The following TMPRSS15 variants were observed in gnomAD, a reference collection of about 807,000 sequenced individuals.
TMPRSS15 encodes the protein enteropeptidase.
Under a neutral mutation model 125.3 loss-of-function variants are expected in TMPRSS15, and 128 were observed. The ratio of observed to expected loss-of-function variants is 1.02; its 90% confidence interval spans 0.89 to 1.18. TMPRSS15 has a LOEUF of 1.18. Among genes scored for constraint, TMPRSS15 ranks in the 50% most tolerant of loss-of-function variants. The pLI is 0.00. For missense variants in TMPRSS15, 1,283 were observed against 1,212.7 expected, an observed-to-expected ratio of 1.06 and a Z score of -0.86; for synonymous variants, 446 against 423.2, an observed-to-expected ratio of 1.05 and a Z score of -0.66.
chr21:18,478,624 T>C (rs77992604), intron 1 of TMPRSS15, among the ~76,000 whole-genome samples: 2,725 of 152,116 alleles, frequency 0.018, 85 homozygotes, highest in African/African-American at 0.062. Flanking sequence ...CATTTACTTG[T>C]CATGTCTCTC....
chr21:18,289,043 T>C (rs539452192), intron 21 of TMPRSS15, among the ~76,000 whole-genome samples: 8 of 152,272 alleles, frequency 5.3e-5, no homozygotes, highest in Admixed American at 1.3e-4. Flanking sequence ...AATTATTGAA[T>C]TGATATATGT....
chr21:18,346,447 T>C (rs1430695361), intron 10 of TMPRSS15, among the ~76,000 whole-genome samples: 1 of 152,226 alleles, frequency 6.6e-6, no homozygotes, highest in Non-Finnish European at 1.5e-5. Flanking sequence ...CTATTTACAA[T>C]ATAACATATT....
chr21:18,405,016 T>G (rs930381955), upstream of TMPRSS15, among the ~76,000 whole-genome samples: 1 of 152,120 alleles, frequency 6.6e-6, no homozygotes. Flanking sequence ...CCAGACCCTC[T>G]GATAAAATTG....
chr21:18,449,165 T>C (rs977261166), intron 1 of TMPRSS15, among the ~76,000 whole-genome samples: 2 of 152,186 alleles, frequency 1.3e-5, no homozygotes, highest in Non-Finnish European at 2.9e-5. Flanking sequence ...CTCAAATGAA[T>C]TGTGATCTTA....
intron 24 of TMPRSS15, among the ~76,000 whole-genome samples, chr21:18,274,299 C>T (rs771687600): frequency 4.6e-5 from 7 of 152,126 alleles, no homozygotes; most frequent in Non-Finnish European, 8.8e-5. Flanking sequence ...AGTGTTAAAG[C>T]CAGGATCAAA....
intron 1 of TMPRSS15, among the ~76,000 whole-genome samples, chr21:18,421,491 C>G (rs111792075): frequency 1.3e-5 from 2 of 152,186 alleles, no homozygotes; most frequent in African/African-American, 4.8e-5. Context: ...TATTTGAGAC[C>G]AGATGTTTCT....
chr21:18,352,842 C>G lies in TMPRSS15; in HGVS notation c.1171+61G>C. The G allele has an allele frequency of 2.6e-6, 4 of 1,560,232 alleles. No individual in the cohort carries two copies. The South Asian group carries it at 4.5e-5, about 17-fold the overall frequency. On this transcript the variant is annotated intron_variant, in intron 10 of 24. Transcript: ENST00000284885. Reference sequence around the variant, plus strand: ...ACTTTACACTGCAGTACAACACATACCTCTTTCCTTTTGATTTATGAATTA... The same window carrying G: ...ACTTTACACTGCAGTACAACACATAGCTCTTTCCTTTTGATTTATGAATTA...
chr21:18,285,328 A>G (rs986434595), intron 21 of TMPRSS15, among the ~76,000 whole-genome samples: 1 of 152,218 alleles, frequency 6.6e-6, no homozygotes, highest in African/African-American at 2.4e-5. Flanking sequence ...GGGACTTTCA[A>G]TGCAGTAGAA....
At chr21:18,358,362 G>A (rs961467581) in intron 8 of TMPRSS15, among the ~76,000 whole-genome samples, 1 of 151,844 alleles carries the variant, frequency 6.6e-6, no homozygotes, top group Non-Finnish European at 1.5e-5. Flanking sequence ...CCTTTACACA[G>A]TGTAGGTGAA....
chr21:18,320,201 G>A (rs1035301910), intron 16 of TMPRSS15, among the ~76,000 whole-genome samples: 9 of 152,120 alleles, frequency 5.9e-5, no homozygotes, highest in Admixed American at 2.6e-4. Context: ...AGTCTTAAAT[G>A]TAGGTAGAAG....
intron 3 of TMPRSS15, among the ~76,000 whole-genome samples, chr21:18,392,097 T>C (rs1229816937): frequency 6.6e-6 from 1 of 152,186 alleles, no homozygotes; most frequent in Non-Finnish European, 1.5e-5. Context: ...AGGCCTGTGA[T>C]GGGAGGTCCT....
chr21:18,406,352 G>A (rs1332771329), upstream of TMPRSS15, among the ~76,000 whole-genome samples: 6 of 152,306 alleles, frequency 3.9e-5, no homozygotes, highest in Admixed American at 1.3e-4. Flanking sequence ...CTCTGTGTGA[G>A]TAGAACATCC....
At chr21:18,413,361 TTTCC>T (rs1447966128) in intron 1 of TMPRSS15, among the ~76,000 whole-genome samples, 13 of 77,272 alleles carry the variant, frequency 1.7e-4, no homozygotes, top group African/African-American at 2.5e-4. Flanking sequence ...CCTTCCTTCC[TTTCC>T]TTCCTTCCTT....
chr21:18,442,340 A>G (rs577212982), intron 1 of TMPRSS15, among the ~76,000 whole-genome samples: 1 of 152,212 alleles, frequency 6.6e-6, no homozygotes, highest in African/African-American at 2.4e-5. Context: ...ATTATCTACT[A>G]TAAGTAATAA....
chr21:18,280,586 A>ACAAACAAAC (rs1568979209), intron 22 of TMPRSS15, among the ~76,000 whole-genome samples: 1,983 of 149,076 alleles, frequency 0.013, 110 homozygotes, highest in African/African-American at 0.047. Context: ...AAAAAAAAAA[A>ACAAACAAAC]AAAAAAAAAC....
intron 3 of TMPRSS15, among the ~76,000 whole-genome samples, chr21:18,385,487 T>G (rs1234351207): frequency 1.3e-5 from 2 of 152,126 alleles, no homozygotes; most frequent in Non-Finnish European, 1.5e-5. Flanking sequence ...TAATGGAAAC[T>G]TCTGGAAAAC....
chr21:18,312,018 G>C (rs886545967), intron 18 of TMPRSS15, among the ~76,000 whole-genome samples: 2 of 151,984 alleles, frequency 1.3e-5, no homozygotes, highest in African/African-American at 4.8e-5. Flanking sequence ...AAATAGACAT[G>C]GTTCTTCCCT....
intron 1 of TMPRSS15, among the ~76,000 whole-genome samples, chr21:18,435,614 T>C (rs945933275): frequency 3.1e-4 from 47 of 152,136 alleles, no homozygotes; most frequent in Admixed American, 1.1e-3. Flanking sequence ...TGTCTCTGCC[T>C]GGCTTTGGTA....
At chr21:18,338,248 T>C (rs1475466180) in intron 13 of TMPRSS15, among the ~76,000 whole-genome samples, 1 of 152,152 alleles carries the variant, frequency 6.6e-6, no homozygotes, top group Admixed American at 6.5e-5. Context: ...ACATTTTAAA[T>C]ATCAGGTCTA....
Sources: allele counts gnomAD v4.1 joint callset (sites outside exome capture counted in the v4.1 genomes callset), GRCh38; gene constraint gnomAD v4.1.1; transcripts MANE v1.5; gene names NCBI Gene and HGNC (gene_info 2026-07-23, HGNC 2026-07-21).